BMPER: variants seen among roughly 807,000 people sequenced by gnomAD.
BMPER encodes BMP-binding endothelial regulator protein.
In BMPER, 45 loss-of-function variants were observed where a neutral mutation model predicts 87.3. The ratio of observed to expected loss-of-function variants is 0.52; its 90% CI spans 0.41 to 0.66. BMPER has a LOEUF of 0.66. Ranked by LOEUF, BMPER falls within the 30% of genes least tolerant of loss-of-function variation. The pLI, the probability that BMPER is intolerant of heterozygous loss-of-function variation, is 0.00. For missense variants in BMPER, 784 were observed against 867.5 expected, an observed-to-expected ratio of 0.90 and a Z score of 1.21; for synonymous variants, 326 against 316.2, an observed-to-expected ratio of 1.03 and a Z score of -0.33.
chr7:34,106,383 G>T (rs1789818440), intron 13 of BMPER, among the ~76,000 whole-genome samples: 1 of 152,146 alleles, frequency 6.6e-6, no homozygotes, highest in Non-Finnish European at 1.5e-5. Context: ...TTCCTTGTCT[G>T]TAAAATGAGA....
intron 6 of BMPER, among the ~76,000 whole-genome samples, chr7:33,975,711 A>T (rs768103773): frequency 6.3e-4 from 96 of 152,172 alleles, no homozygotes; most frequent in Non-Finnish European, 2.4e-4. Context: ...GTGACTCACT[A>T]TGCATCTCAG....
At chr7:33,988,719 C>G (rs1208553497) in intron 6 of BMPER, among the ~76,000 whole-genome samples, 1 of 151,228 alleles carries the variant, frequency 6.6e-6, no homozygotes, top group Non-Finnish European at 1.5e-5. Flanking sequence ...TACCCACTAA[C>G]TCGTCATCTA....
intron 11 of BMPER, 116 bp from the exon 12 acceptor site, chr7:34,078,741 G>C (rs1207771246): frequency 9.7e-7 from 1 of 1,027,658 alleles, no homozygotes; most frequent in Non-Finnish European, 1.5e-6. Flanking sequence ...TTTTTAAGTT[G>C]ATTTCCCTTA....
At chr7:34,024,357 CAAAAAAA>C (rs1169634357) in intron 6 of BMPER, among the ~76,000 whole-genome samples, 4 of 4,654 alleles carry the variant, frequency 8.6e-4, no homozygotes, top group African/African-American at 4.6e-3. Context: ...AACTCTGTCT[CAAAAAAA>C]AAAAAAAAAA....
chr7:34,110,677 A>G (rs892359368), intron 13 of BMPER, among the ~76,000 whole-genome samples: 1 of 152,184 alleles, frequency 6.6e-6, no homozygotes, highest in Non-Finnish European at 1.5e-5. Flanking sequence ...GATGAGCTGC[A>G]TCTGGGAAGG....
chr7:34,034,039 G>T (rs1787599611), intron 6 of BMPER, among the ~76,000 whole-genome samples: 1 of 152,110 alleles, frequency 6.6e-6, no homozygotes, highest in South Asian at 2.1e-4. Context: ...TAAGCATGTT[G>T]TCACAGTTAC....
At chr7:34,108,154 A>C (rs990218601) in intron 13 of BMPER, among the ~76,000 whole-genome samples, 1 of 152,222 alleles carries the variant, frequency 6.6e-6, no homozygotes, top group African/African-American at 2.4e-5. Context: ...GCCTGCATTG[A>C]TTCCATAAGT....
chr7:33,904,997 C>G (rs973614386), upstream of BMPER: 1 of 154,626 alleles, frequency 6.5e-6, no homozygotes, highest in Non-Finnish European at 1.4e-5. This position sits in a 1 kb window ranked among gnomAD's most constrained non-coding sequence, Gnocchi z 5.4. Context: ...GAAGCTGGGC[C>G]GAGAGAGTTC....
intron 3 of BMPER, among the ~76,000 whole-genome samples, chr7:33,964,712 C>T (rs191109032): frequency 6.6e-6 from 1 of 152,186 alleles, no homozygotes; most frequent in South Asian, 2.1e-4. Flanking sequence ...TTAACCCTGG[C>T]TCACATGGAT....
At chr7:33,914,550 A>T (rs1046802789) in intron 2 of BMPER, among the ~76,000 whole-genome samples, 1 of 152,212 alleles carries the variant, frequency 6.6e-6, no homozygotes, top group African/African-American at 2.4e-5. Context: ...TAGACCTTCA[A>T]GGTAGAAACG....
intron 6 of BMPER, among the ~76,000 whole-genome samples, chr7:33,979,790 G>C (rs896999559): frequency 6.6e-6 from 1 of 152,200 alleles, no homozygotes; most frequent in African/African-American, 2.4e-5. Flanking sequence ...CAAGTGGCTT[G>C]TATACGCCAT....
chr7:34,074,128 C>G (rs1562725919), intron 11 of BMPER, among the ~76,000 whole-genome samples: 1 of 152,250 alleles, frequency 6.6e-6, no homozygotes, highest in Non-Finnish European at 1.5e-5. Context: ...AAATTCATAA[C>G]ATTTAACAAT....
chr7:33,920,418 G>GTTTTTTTTTTT (rs879327540), intron 2 of BMPER, among the ~76,000 whole-genome samples: 2 of 99,940 alleles, frequency 2.0e-5, no homozygotes, highest in Non-Finnish European at 3.8e-5. Context: ...AAACTCCGTT[G>GTTTTTTTTTTT]TGTTTTTTTT....
intron 3 of BMPER, among the ~76,000 whole-genome samples, chr7:33,945,017 C>T (rs1784852417): frequency 6.6e-6 from 1 of 152,142 alleles, no homozygotes; most frequent in Non-Finnish European, 1.5e-5. Flanking sequence ...TCTTGGCTCA[C>T]TGCAAGCTCC....
intron 2 of BMPER, among the ~76,000 whole-genome samples, chr7:33,930,563 G>C (rs538371187): frequency 2.0e-5 from 3 of 152,112 alleles, no homozygotes; most frequent in African/African-American, 7.2e-5. Context: ...GTTCATGCTC[G>C]TTTGCTCAGG....
intron 3 of BMPER, among the ~76,000 whole-genome samples, chr7:33,942,724 A>G (rs1345373033): frequency 1.3e-5 from 2 of 152,224 alleles, no homozygotes; most frequent in Non-Finnish European, 2.9e-5. Flanking sequence ...GCATGAGACC[A>G]TGTAGGCGTG....
chr7:34,016,218 A>T (rs2127943949), intron 6 of BMPER, among the ~76,000 whole-genome samples: 1 of 152,048 alleles, frequency 6.6e-6, no homozygotes, highest in African/African-American at 2.4e-5. Flanking sequence ...ACCTTACTGA[A>T]ATAAAGAGAC....
chr7:33,925,055 T>C (rs762149973), intron 2 of BMPER, among the ~76,000 whole-genome samples: 4 of 152,214 alleles, frequency 2.6e-5, no homozygotes, highest in Non-Finnish European at 5.9e-5. Context: ...CCCTCCCTAG[T>C]GCCCATGAGA....
chr7:34,098,798 C>T (rs925394648), intron 13 of BMPER, among the ~76,000 whole-genome samples: 3 of 152,140 alleles, frequency 2.0e-5, no homozygotes, highest in African/African-American at 7.2e-5. Flanking sequence ...TAAGCAGATA[C>T]TGACCCGTAG....
Sources: gnomAD v4.1 joint callset for allele counts (sites outside exome capture counted in the v4.1 genomes callset) on GRCh38, gnomAD v4.1.1 for gene constraint, Gnocchi (gnomAD v3.1) non-coding constraint, MANE v1.5 for transcripts, NCBI Gene and HGNC (gene_info 2026-07-23, HGNC 2026-07-21) for gene names.